Variants in AIM2 observed in about 807,000 individuals in gnomAD.
AIM2 encodes absent in melanoma 2.
A neutral mutation model predicts 27.7 loss-of-function variants in AIM2; 30 were observed. The observed-to-expected ratio is 1.08, with a 90% CI of 0.81 to 1.47. The LOEUF (loss-of-function observed/expected upper bound fraction) is 1.47. Ranked by LOEUF, AIM2 falls within the 40% of genes most tolerant of loss-of-function variation. The pLI is 0.00. For missense variants in AIM2, 358 were observed against 411.3 expected (o/e 0.87, Z 1.12); for synonymous variants, 141 against 145.3 (o/e 0.97, Z 0.21).
intron 1 of AIM2, among the ~76,000 whole-genome samples, chr1:159,096,784 G>A (rs1570962060): frequency 6.6e-6 from 1 of 152,110 alleles, no homozygotes. Context: ...GCACAGGTAT[G>A]ACATGGGCTG....
rs576447754 is a variant in AIM2 at position 159,087,341 on chromosome 1, A to C, written c.-15-21012T>G. On this transcript the variant is annotated intron_variant, in intron 1 of 2. Coordinates refer to the AIM2 transcript ENST00000368129. The stretch of plus-strand genomic sequence containing the variant: ...GAGGTTGTGATAAAAAAAAAAAATG[A>C]TCACCATGGCTGAGACTAAGTTAAC... 5.5e-4 allele frequency among the ~76,000 whole-genome samples: 83 copies of C among 149,562 alleles called. 1 individual carries two copies. Among genetic ancestry groups the C allele is most frequent in the Non-Finnish European group, 1.1e-3 (73 of 67,056 alleles).
intron 1 of AIM2, among the ~76,000 whole-genome samples, chr1:159,112,617 T>C (rs898728576): frequency 6.6e-6 from 1 of 152,288 alleles, no homozygotes; most frequent in Non-Finnish European, 1.5e-5. Flanking sequence ...ACTCAACAGG[T>C]CTATAAAAGA....
At chr1:159,100,632 T>C (rs967301272) in intron 1 of AIM2, among the ~76,000 whole-genome samples, 6 of 152,258 alleles carry the variant, frequency 3.9e-5, no homozygotes, top group African/African-American at 9.6e-5. Flanking sequence ...ATAATGTTCC[T>C]TTACAACAAT....
chr1:159,131,212 T>C (rs1227834938), intron 1 of AIM2, among the ~76,000 whole-genome samples: 1 of 152,126 alleles, frequency 6.6e-6, no homozygotes, highest in Non-Finnish European at 1.5e-5. Flanking sequence ...CTCTCAAAGT[T>C]CCGGACCCAC....
At chr1:159,065,275 C>A (rs956272452) in intron 4 of AIM2, among the ~76,000 whole-genome samples, 1 of 152,108 alleles carries the variant, frequency 6.6e-6, no homozygotes, top group African/African-American at 2.4e-5. Flanking sequence ...GGAGGAGCGC[C>A]TCTGCCCCGC....
intron 1 of AIM2, among the ~76,000 whole-genome samples, chr1:159,102,322 C>T (rs903176784): frequency 2.6e-5 from 4 of 152,294 alleles, no homozygotes; most frequent in Admixed American, 2.0e-4. Context: ...GAAATGTCTG[C>T]GTGTCTAGGC....
chr1:159,143,519 A>C (rs1171650282), upstream of AIM2, among the ~76,000 whole-genome samples: 1 of 151,816 alleles, frequency 6.6e-6, no homozygotes. Flanking sequence ...GCAAGGAACC[A>C]TTCCAGTGTA....
chr1:159,105,181 C>A (rs4282817), intron 1 of AIM2, among the ~76,000 whole-genome samples: 1 of 152,326 alleles, frequency 6.6e-6, no homozygotes, highest in East Asian at 1.9e-4. Flanking sequence ...CCAGCTGCTG[C>A]GGCAGGGCAG....
chr1:159,110,492 C>T lies in AIM2; in HGVS notation c.-16+29939G>A, dbSNP rs115124880. On this transcript the variant is annotated intron_variant, in intron 1 of 2. Coordinates refer to the AIM2 transcript ENST00000368129. ...GGCCCAAATTCTATGTTCCTTTAGA[C>T]CCTCTAGCTGTGCCGTTGGTATACC... Among the ~76,000 whole-genome samples the T allele has an allele frequency of 5.5e-3, 834 of 152,204 alleles. 2 individuals are homozygous for T. Among genetic ancestry groups the T allele is most frequent in the Admixed American group, 9.0e-3 (138 of 15,292 alleles).
chr1:159,082,499 C>T (rs1411476310), intron 1 of AIM2, among the ~76,000 whole-genome samples: 2 of 152,050 alleles, frequency 1.3e-5, no homozygotes, highest in Non-Finnish European at 2.9e-5. Context: ...TTTTCTTTCT[C>T]TCTTTCTTTT....
chr1:159,129,443 G>A (rs1044319293), intron 1 of AIM2, among the ~76,000 whole-genome samples: 3 of 152,182 alleles, frequency 2.0e-5, no homozygotes, highest in African/African-American at 7.2e-5. Flanking sequence ...ACTAAGGGTT[G>A]AGTCTACAGC....
At chr1:159,083,853 G>A (rs1311993274) in intron 1 of AIM2, among the ~76,000 whole-genome samples, 1 of 152,166 alleles carries the variant, frequency 6.6e-6, no homozygotes, top group Non-Finnish European at 1.5e-5. Flanking sequence ...TTTAACATGT[G>A]GAAATACAAA....
chr1:159,079,583 C>T (rs773146895), upstream of AIM2, among the ~76,000 whole-genome samples: 72 of 152,022 alleles, frequency 4.7e-4, 3 homozygotes, highest in Admixed American at 3.0e-3. Flanking sequence ...CAGTTTTAGG[C>T]TCACAGTAAA....
At chr1:159,111,835 T>C (rs779417447) in intron 1 of AIM2, among the ~76,000 whole-genome samples, 18 of 8,440 alleles carry the variant, frequency 2.1e-3, no homozygotes, top group Non-Finnish European at 3.2e-3. Context: ...ATCTATCATC[T>C]ATCTATCTAT....
At chr1:159,125,022 G>C (rs1647649792) in intron 1 of AIM2, among the ~76,000 whole-genome samples, 1 of 152,204 alleles carries the variant, frequency 6.6e-6, no homozygotes, top group Non-Finnish European at 1.5e-5. Flanking sequence ...GAGAGGTAAA[G>C]TGTCTGGGAG....
At chr1:159,110,267 G>A (rs1241942402) in intron 1 of AIM2, among the ~76,000 whole-genome samples, 2 of 152,190 alleles carry the variant, frequency 1.3e-5, no homozygotes, top group East Asian at 3.8e-4. Flanking sequence ...CAACCTGGAC[G>A]AGATTGGAGA....
At chr1:159,063,398 C>T in intron 5 of AIM2, 88 bp downstream of exon 5, 1 of 1,283,550 alleles carries the variant, frequency 7.8e-7, no homozygotes, top group Non-Finnish European at 1.1e-6. Context: ...ACTCTATATC[C>T]TGTTCAATGG....
chr1:159,124,987 C>G (rs1312572273), intron 1 of AIM2, among the ~76,000 whole-genome samples: 1 of 152,206 alleles, frequency 6.6e-6, no homozygotes, highest in Admixed American at 6.5e-5. Context: ...TTTGACTCCC[C>G]TGTTAGCAGG....
intron 1 of AIM2, among the ~76,000 whole-genome samples, chr1:159,146,519 G>A (rs749192223): frequency 3.9e-5 from 6 of 151,900 alleles, no homozygotes; most frequent in Non-Finnish European, 5.9e-5. Flanking sequence ...CTCTGTCCAC[G>A]CCTTTGCTCA....
Sources: allele counts gnomAD v4.1 joint callset (sites outside exome capture counted in the v4.1 genomes callset), GRCh38; gene constraint gnomAD v4.1.1; transcripts MANE v1.5; gene names NCBI Gene and HGNC (gene_info 2026-07-23, HGNC 2026-07-21).